AMER3: variants seen among roughly 807,000 people sequenced by gnomAD.
The protein encoded by AMER3 is APC membrane recruitment protein 3.
For synonymous variants in AMER3, 541 were observed against 485.5 expected (o/e 1.11, Z -1.50); for missense variants, 1,201 against 1,139.4 (o/e 1.05, Z -0.78).
At position 130,763,294 on chromosome 2, in the gene AMER3, C is replaced by A; in HGVS notation, c.1222C>A (p.Pro408Thr). The A allele has an allele frequency of 6.2e-7, 1 of 1,613,782 alleles. No homozygotes were observed. The highest frequency in any genetic ancestry group is 1.1e-5 in the South Asian group (1 of 91,086). Residue 408 changes from proline (P) to threonine (T), a missense_variant, in exon 2 of 2, where the codon CCT (proline) becomes ACT (threonine). Transcript: ENST00000321420. ...DKKEAESPGT[P>T]AATFPRDSYS... ...GAAGGAAGCTGAGAGCCCAGGCACT[C>A]CTGCCGCCACCTTCCCACGGGACAG...
chr2:130,765,645 C>T lies in AMER3; in HGVS notation c.*987C>T, dbSNP rs1242329468. On this transcript the variant is annotated 3_prime_UTR_variant, in exon 2 of 2. Coordinates refer to ENST00000321420, the MANE Select transcript of AMER3 (RefSeq NM_152698.3). ...GCAGGGTGGCTCAGGACGAAAGCCTCAGGACCCAGGAGGGCCATGGGTGTA... is the reference window on the plus strand; with the variant it reads ...GCAGGGTGGCTCAGGACGAAAGCCTTAGGACCCAGGAGGGCCATGGGTGTA... 6.0e-6 allele frequency: 1 copy of T among 167,048 alleles called. No individual in the cohort carries two copies. The highest frequency in any genetic ancestry group is 1.5e-5 in the Non-Finnish European group (1 of 68,134). 10.3% of individuals were successfully genotyped at this position (167,048 alleles called of 1,614,324 possible). A position where few individuals can be genotyped will look rare whatever the true frequency, so the allele number is the denominator to read the frequency against.
chr2:130,756,838 G>A (rs1202784198), intron 1 of AMER3, among the ~76,000 whole-genome samples: 1 of 147,296 alleles, frequency 6.8e-6, no homozygotes, highest in Non-Finnish European at 1.5e-5. Context: ...GAGCACGGTC[G>A]CTTTCCCTCC....
rs762768168 is a variant in AMER3, at chr2:130,763,506, G to A, written c.1434G>A (p.Leu478=). Reference sequence around the variant, plus strand: ...TGGCCCCAGCACCAGGCCCTGACCTGCTCAGCCAGGGCTTCCTACAGAGCT... The same window carrying A: ...TGGCCCCAGCACCAGGCCCTGACCTACTCAGCCAGGGCTTCCTACAGAGCT... ...ENLAPAPGPD[L]LSQGFLQSSW... Residue 478 remains leucine (L), a synonymous_variant, in exon 2 of 2, where the codon CTG becomes CTA. Transcript: ENST00000321420. 3 of 1,612,386 alleles carry A rather than the reference G, an allele frequency of 1.9e-6. No homozygotes were observed. Among genetic ancestry groups the A allele is most frequent in the Non-Finnish European group, 2.5e-6 (3 of 1,179,636 alleles).
chr2:130,758,522 C>T (rs1257172131), intron 1 of AMER3, among the ~76,000 whole-genome samples: 3 of 152,220 alleles, frequency 2.0e-5, no homozygotes, highest in Non-Finnish European at 4.4e-5. Context: ...TCAGACTCTG[C>T]ATCCTGTTTA....
chr2:130,756,395 GC>G (rs986459423), intron 1 of AMER3: 3 of 152,060 alleles, frequency 2.0e-5, no homozygotes, highest in African/African-American at 7.2e-5. Context: ...AGTCGCCAAG[GC>G]CCCGAGAGGC....
In AMER3 at chr2:130,764,519, C is replaced by T; in HGVS notation, c.2447C>T (p.Thr816Ile). Residue 816 changes from threonine (T) to isoleucine (I), a missense_variant, in exon 2 of 2, where the codon ACT becomes ATT. Physicochemically the swap from Thr to Ile is moderately conservative, Grantham distance 89. Transcript: ENST00000321420. ...CACCATCCAGAAAGCCTGGGCCTCA[C>T]TTTGAACAGCCAGCAGGAAGGGGGG... ...QGHHPESLGL[T>I]LNSQQEGGVS... 1 of 1,603,056 alleles carries T rather than the reference C, an allele frequency of 6.2e-7. No homozygotes were observed. Among genetic ancestry groups the T allele is most frequent in the Non-Finnish European group, 8.5e-7 (1 of 1,175,498 alleles).
Position 130,763,648 on chromosome 2 carries a change from C to A in AMER3, c.1576C>A (p.Gln526Lys). The A allele has an allele frequency of 6.5e-7, 1 of 1,529,084 alleles. No individual in the cohort carries two copies. The highest frequency in any genetic ancestry group is 8.8e-7 in the Non-Finnish European group (1 of 1,139,140). 94.7% of individuals were successfully genotyped at this position (1,529,084 alleles called of 1,614,324 possible). A position where few individuals can be genotyped will look rare whatever the true frequency, so the allele number is the denominator to read the frequency against. Residue 526 changes from glutamine (Q) to lysine (K), a missense_variant, in exon 2 of 2, where the codon CAG (glutamine) becomes AAG (lysine). Transcript: ENST00000321420. ...GCCCCGTGCCCCACCCACCCCTGGG[C>A]AGCCTGCAGCTCCACCTGGTTCCCA... Reference protein sequence around the residue: ...PTPRAPPTPGQPAAPPGSQGA... With the variant: ...PTPRAPPTPGKPAAPPGSQGA...
At position 130,762,118 on chromosome 2, in the gene AMER3, G is replaced by T; in HGVS notation, c.46G>T (p.Val16Phe). The change falls in exon 2 of 2, where the codon GTT becomes TTT. Residue 16 changes from valine (V) to phenylalanine (F), a missense_variant. Coordinates refer to ENST00000321420, the MANE Select transcript of AMER3 (RefSeq NM_152698.3). ...GACCTTCATCAAGTCCAGCCTGCAG[G>T]TTTCCCACGAGAAACCCCCAGACCC... ...GKTFIKSSLQ[V>F]SHEKPPDPAA... 3 of 1,611,270 alleles carry T rather than the reference G, an allele frequency of 1.9e-6. No individual in the cohort carries two copies. Among genetic ancestry groups the T allele is most frequent in the Non-Finnish European group, 2.5e-6 (3 of 1,179,246 alleles).
rs757646211 is a variant in AMER3 at position 130,762,675 on chromosome 2, C to G, written c.603C>G (p.Phe201Leu). 3.1e-6 allele frequency: 5 copies of G among 1,611,178 alleles called. No homozygotes were observed. Among genetic ancestry groups the G allele is most frequent in the Non-Finnish European group, 4.2e-6 (5 of 1,179,808 alleles). ...SDPGGRRSKA[F>L]LPPGEGPGLD... ...CTGGGGGGCGGCGAAGCAAAGCCTT[C>G]CTCCCCCCGGGTGAGGGGCCGGGGC... The change falls in exon 2 of 2, where the codon TTC becomes TTG. Residue 201 changes from phenylalanine (F) to leucine (L), a missense_variant. Transcript: ENST00000321420.
At position 130,762,665 on chromosome 2, in the gene AMER3, G is replaced by C; in HGVS notation, c.593G>C (p.Ser198Thr). The change falls in exon 2 of 2, where the codon AGC becomes ACC. Residue 198 changes from serine to threonine, a missense_variant. Physicochemically the swap from Ser to Thr is moderately conservative, Grantham distance 58. Coordinates refer to ENST00000321420, the MANE Select transcript of AMER3 (RefSeq NM_152698.3). ...CCGTCAGACCCTGGGGGGCGGCGAA[G>C]CAAAGCCTTCCTCCCCCCGGGTGAG... ...GDPSDPGGRR[S>T]KAFLPPGEGP... is the part of the protein sequence containing the mutation. The C allele has an allele frequency of 6.2e-7, 1 of 1,610,962 alleles. No individual in the cohort carries two copies. Among genetic ancestry groups the C allele is most frequent in the South Asian group, 1.1e-5 (1 of 91,040 alleles).
In AMER3 at chr2:130,763,847, C is replaced by T. The variant is rs1292991647; in HGVS notation, c.1775C>T (p.Thr592Ile). 4.3e-6 allele frequency: 7 copies of T among 1,613,390 alleles called. No individual in the cohort carries two copies. The highest frequency in any genetic ancestry group is 5.9e-6 in the Non-Finnish European group (7 of 1,180,030). The stretch of plus-strand genomic sequence containing the variant: ...GCCCTCGGAGGGGCCACACAAGGGA[C>T]TGGCACACTGTCCAGGGATGCCTCT... ...SKALGGATQG[T>I]GTLSRDASRE... The change falls in exon 2 of 2, where the codon ACT becomes ATT. Residue 592 changes from threonine to isoleucine, a missense_variant. Thr to Ile is a moderately conservative substitution (Grantham distance 89). Transcript: ENST00000321420.
At chr2:130,757,486 A>C (rs191932379) in intron 1 of AMER3, among the ~76,000 whole-genome samples, 1 of 152,252 alleles carries the variant, frequency 6.6e-6, no homozygotes, top group Admixed American at 6.5e-5. Context: ...AGATAAAAGC[A>C]CGGCCCTCGC....
rs1679010169 is a variant in AMER3, at chr2:130,767,333, AAG to A, written c.*2676_*2677del. The A allele has an allele frequency of 6.0e-6, 1 of 167,350 alleles. No individual in the cohort carries two copies. The highest frequency in any genetic ancestry group is 2.4e-5 in the African/African-American group (1 of 41,454). 10.4% of individuals were successfully genotyped at this position (167,350 alleles called of 1,614,324 possible). A position where few individuals can be genotyped will look rare whatever the true frequency, so the allele number is the denominator to read the frequency against. On this transcript the variant is annotated 3_prime_UTR_variant, in exon 2 of 2. Transcript: ENST00000321420. ...TCTGGAGGAAAGATCAGCACAGGAA[AAG>A]GGGTCAGTCAGGTCGCAGGCAAAGT...
Position 130,763,503 on chromosome 2 carries a change from C to A in AMER3, c.1431C>A (p.Asp477Glu). 6.2e-7 allele frequency: 1 copy of A among 1,612,500 alleles called. No homozygotes were observed. Among genetic ancestry groups the A allele is most frequent in the Non-Finnish European group, 8.5e-7 (1 of 1,179,708 alleles). The change falls in exon 2 of 2, where the codon GAC becomes GAA. Residue 477 changes from aspartate (D) to glutamate (E), a missense_variant. Asp to Glu is a conservative substitution (Grantham distance 45). Transcript: ENST00000321420. ...EENLAPAPGP[D>E]LLSQGFLQSS... The stretch of plus-strand genomic sequence containing the variant: ...ACTTGGCCCCAGCACCAGGCCCTGA[C>A]CTGCTCAGCCAGGGCTTCCTACAGA...
chr2:130,760,325 C>T (rs771783639), intron 1 of AMER3, among the ~76,000 whole-genome samples: 1 of 152,240 alleles, frequency 6.6e-6, no homozygotes, highest in Non-Finnish European at 1.5e-5. Context: ...AGTGTCAGCT[C>T]TTCCACCCCT....
At chr2:130,762,018 T>A (rs1678793578) in intron 1 of AMER3, 36 bp from the exon 2 acceptor site, 1 of 1,565,278 alleles carries the variant, frequency 6.4e-7, no homozygotes, top group Non-Finnish European at 8.7e-7. Flanking sequence ...GGCCCTCCCG[T>A]CTATGATACT....
chr2:130,756,641 C>G (rs1211227012), intron 1 of AMER3, among the ~76,000 whole-genome samples: 2 of 152,136 alleles, frequency 1.3e-5, no homozygotes, highest in Middle Eastern at 3.2e-3. Flanking sequence ...GCCAATATCG[C>G]TGTGAGGCCC....
chr2:130,756,293 G>C (rs1163544589), intron 1 of AMER3: 1 of 149,770 alleles, frequency 6.7e-6, no homozygotes, highest in Non-Finnish European at 1.5e-5. Flanking sequence ...GGCGCCGGGA[G>C]CTGACCGTGG....
rs747000105 is a variant in AMER3, at chr2:130,764,594, GCCT to G, written c.2527_2529del (p.Leu843del). On this transcript the variant is annotated inframe_deletion, in exon 2 of 2. Transcript: ENST00000321420. Reference sequence around the variant, plus strand: ...CGCTGCAGCCTCCTGGCCCGTGAGGGCCTCCTCTGTGGCCAGCCAGAAGTGGGG... The same window carrying G: ...CGCTGCAGCCTCCTGGCCCGTGAGGGCCTCTGTGGCCAGCCAGAAGTGGGG... The G allele has an allele frequency of 6.2e-7, 1 of 1,606,158 alleles. No homozygotes were observed. The highest frequency in any genetic ancestry group is 8.5e-7 in the Non-Finnish European group (1 of 1,177,524).
Sources: allele counts gnomAD v4.1 joint callset (sites outside exome capture counted in the v4.1 genomes callset), GRCh38; gene constraint gnomAD v4.1.1; transcripts MANE v1.5; gene names NCBI Gene and HGNC (gene_info 2026-07-23, HGNC 2026-07-21).